Variants in NXPE2 observed in about 807,000 individuals in gnomAD.
The protein encoded by NXPE2 is neurexophilin and PC-esterase domain family member 2, also known as NXPE family member 2.
NXPE2 carries 34 observed loss-of-function variants against 34.4 expected under a neutral mutation model. The observed-to-expected ratio is 0.99, with a 90% CI of 0.75 to 1.31. NXPE2 has a LOEUF of 1.31. NXPE2 is among the 40% of genes most tolerant of loss of function. NXPE2 has a pLI of 0.00. For missense variants in NXPE2, 649 were observed against 672.5 expected, an observed-to-expected ratio of 0.97 and a Z score of 0.39; for synonymous variants, 235 against 231.3, an observed-to-expected ratio of 1.02 and a Z score of -0.15.
At chr11:114,475,226 G>GCTTTTT in the NXPE2 span, among the ~76,000 whole-genome samples, 4 of 88,070 alleles carry the variant, frequency 4.5e-5, no homozygotes, top group East Asian at 1.0e-3. Flanking sequence ...AATGTGAACT[G>GCTTTTT]TTTTTTTTTT....
At chr11:114,789,256 C>A in the NXPE2 span, among the ~76,000 whole-genome samples, 2 of 152,136 alleles carry the variant, frequency 1.3e-5, no homozygotes, top group South Asian at 4.1e-4. Context: ...CCATTTAGTA[C>A]TCCCTTGGTA....
the NXPE2 span, among the ~76,000 whole-genome samples, chr11:114,663,659 T>TATCTATCATCTATC: frequency 4.0e-5 from 4 of 101,178 alleles, no homozygotes; most frequent in African/African-American, 1.3e-4. Context: ...TATCATCTAT[T>TATCTATCATCTATC]TATCTATCAT....
chr11:114,771,031 G>T, the NXPE2 span, among the ~76,000 whole-genome samples: 1 of 152,092 alleles, frequency 6.6e-6, no homozygotes, highest in Non-Finnish European at 1.5e-5. Flanking sequence ...CTCTGATATT[G>T]TAAGAATTAG....
chr11:114,580,034 A>G, the NXPE2 span: 12 of 1,068,912 alleles, frequency 1.1e-5, no homozygotes, highest in East Asian at 2.4e-5. Flanking sequence ...ATTGAAGAAT[A>G]TGAAAAAAAG....
At chr11:114,632,985 T>A in the NXPE2 span, among the ~76,000 whole-genome samples, 54 of 104,268 alleles carry the variant, frequency 5.2e-4, 1 homozygote, top group South Asian at 0.013. Flanking sequence ...ATTATATATT[T>A]TTATATAATA....
the NXPE2 span, among the ~76,000 whole-genome samples, chr11:114,773,109 G>T: frequency 6.6e-6 from 1 of 151,992 alleles, no homozygotes; most frequent in African/African-American, 2.4e-5. Context: ...TTCCTTAAGG[G>T]GAGCCAGGCT....
chr11:114,649,227 T>C, the NXPE2 span, among the ~76,000 whole-genome samples: 1 of 152,148 alleles, frequency 6.6e-6, no homozygotes, highest in African/African-American at 2.4e-5. Context: ...TAGTTTTCCA[T>C]GGACCTTAAT....
At chr11:114,721,274 A>G in the NXPE2 span, among the ~76,000 whole-genome samples, 1 of 150,104 alleles carries the variant, frequency 6.7e-6, no homozygotes, top group Middle Eastern at 3.5e-3. Context: ...TATTCAAATC[A>G]GACTCTGCTG....
At chr11:114,729,440 T>G in the NXPE2 span, among the ~76,000 whole-genome samples, 1 of 152,188 alleles carries the variant, frequency 6.6e-6, no homozygotes, top group African/African-American at 2.4e-5. Flanking sequence ...ATGGCATTGC[T>G]GGGTCAAATG....
upstream of NXPE2, among the ~76,000 whole-genome samples, chr11:114,677,909 A>G (rs1241960943): frequency 6.6e-6 from 1 of 152,022 alleles, no homozygotes. Flanking sequence ...GAAAATCCTT[A>G]GTGTCATGAG....
the NXPE2 span, among the ~76,000 whole-genome samples, chr11:114,647,885 A>G: frequency 7.9e-5 from 12 of 152,202 alleles, no homozygotes; most frequent in East Asian, 2.1e-3. Context: ...TAATTTTAGT[A>G]GAGACGAGGT....
the NXPE2 span, among the ~76,000 whole-genome samples, chr11:114,796,686 G>A: frequency 2.6e-5 from 4 of 152,218 alleles, no homozygotes; most frequent in Admixed American, 1.3e-4. Flanking sequence ...TTCTGGGAAT[G>A]TAAAGATGAA....
chr11:114,800,837 A>C, the NXPE2 span, among the ~76,000 whole-genome samples: 1 of 133,224 alleles, frequency 7.5e-6, no homozygotes, highest in Admixed American at 8.4e-5. Flanking sequence ...CTAATGCAAA[A>C]ATCTTGTGTC....
the NXPE2 span, among the ~76,000 whole-genome samples, chr11:114,804,621 A>C: frequency 3.3e-5 from 5 of 152,196 alleles, no homozygotes; most frequent in Non-Finnish European, 5.9e-5. Flanking sequence ...CCTTAAAATG[A>C]TTGGTCTTAG....
At chr11:114,811,182 TTGTGGGG>T in the NXPE2 span, among the ~76,000 whole-genome samples, 1 of 99,138 alleles carries the variant, frequency 1.0e-5, no homozygotes, top group Non-Finnish European at 1.9e-5. Context: ...CCAGGGACTG[TTGTGGGG>T]TGGGGGGAGG....
chr11:114,528,354 G>A, the NXPE2 span, among the ~76,000 whole-genome samples: 4 of 152,206 alleles, frequency 2.6e-5, no homozygotes, highest in African/African-American at 9.6e-5. Context: ...CTGCACTACT[G>A]CTTACATCCC....
chr11:114,603,133 T>A, the NXPE2 span, among the ~76,000 whole-genome samples: 1 of 151,964 alleles, frequency 6.6e-6, no homozygotes, highest in Non-Finnish European at 1.5e-5. Context: ...ATCTAGTGGA[T>A]AATAATTATT....
the NXPE2 span, among the ~76,000 whole-genome samples, chr11:114,580,543 C>A: frequency 2.6e-5 from 4 of 151,794 alleles, no homozygotes; most frequent in Non-Finnish European, 4.4e-5. Context: ...AAATAATGTT[C>A]ATTAATGTTC....
chr11:114,768,621 C>A, the NXPE2 span, among the ~76,000 whole-genome samples: 2 of 152,228 alleles, frequency 1.3e-5, no homozygotes, highest in South Asian at 2.1e-4. Context: ...TGAAGAGGTT[C>A]TTCACATCCC....
Sources: allele counts gnomAD v4.1 joint callset (sites outside exome capture counted in the v4.1 genomes callset), GRCh38; gene constraint gnomAD v4.1.1; transcripts MANE v1.5; gene names NCBI Gene and HGNC (gene_info 2026-07-23, HGNC 2026-07-21).